PPP1R16B: variants seen among roughly 807,000 people sequenced by gnomAD.
PPP1R16B encodes protein phosphatase 1 regulatory subunit 16B, also known as protein phosphatase 1 regulatory inhibitor subunit 16B.
A neutral mutation model predicts 61.7 loss-of-function variants in PPP1R16B; 14 were observed. The ratio of observed to expected loss-of-function variants is 0.23; its 90% CI spans 0.15 to 0.35. The LOEUF (loss-of-function observed/expected upper bound fraction) is 0.35, where lower values mean the gene tolerates loss of function less well. PPP1R16B is among the 10% of genes least tolerant of loss of function. PPP1R16B has a pLI of 1.00. For missense variants in PPP1R16B, 547 were observed against 752.5 expected, an observed-to-expected ratio of 0.73 and a Z score of 3.19; for synonymous variants, 266 against 305.3, an observed-to-expected ratio of 0.87 and a Z score of 1.34.
intron 6 of PPP1R16B, 137 bp from the exon 7 acceptor site, chr20:38,905,832 A>G (rs2085436222): frequency 2.3e-6 from 2 of 852,134 alleles, no homozygotes; most frequent in South Asian, 1.9e-5. Context: ...CTGCAATGTG[A>G]CTGGTATTTC....
intron 2 of PPP1R16B, among the ~76,000 whole-genome samples, chr20:38,847,333 C>T (rs970462976): frequency 2.6e-5 from 4 of 152,128 alleles, no homozygotes; most frequent in African/African-American, 9.7e-5. Flanking sequence ...CATCTCTCTC[C>T]TTCTTTGAGT....
chr20:38,813,569 T>A (rs1294658542), intron 1 of PPP1R16B, among the ~76,000 whole-genome samples: 2 of 152,136 alleles, frequency 1.3e-5, no homozygotes, highest in African/African-American at 4.8e-5. Flanking sequence ...GGCACTCGGC[T>A]AAAGGAGAGG....
chr20:38,850,585 G>T (rs1416904483), intron 2 of PPP1R16B, among the ~76,000 whole-genome samples: 1 of 152,182 alleles, frequency 6.6e-6, no homozygotes, highest in Non-Finnish European at 1.5e-5. Flanking sequence ...ATTGTATTTA[G>T]TTAGAAATAA....
intron 10 of PPP1R16B, among the ~76,000 whole-genome samples, chr20:38,914,054 G>C (rs1385123578): frequency 6.6e-6 from 1 of 152,096 alleles, no homozygotes; most frequent in East Asian, 1.9e-4. Flanking sequence ...GTGGTGGCAG[G>C]TGCCTGTAAT....
Position 38,907,662 on chromosome 20 carries a change from C to A in PPP1R16B, c.899-144C>A. On this transcript the variant is annotated intron_variant, in intron 8 of 10. Coordinates refer to ENST00000299824, the MANE Select transcript of PPP1R16B (RefSeq NM_015568.4). This position sits in a 1 kb window ranked among gnomAD's most constrained non-coding sequence, Gnocchi z 4.5. Reference sequence around the variant, plus strand: ...AACACACTCACTCAACTTTGGCTGGCATTGTTTTCTTGCCTCCCTGCATGC... The same window carrying A: ...AACACACTCACTCAACTTTGGCTGGAATTGTTTTCTTGCCTCCCTGCATGC... The A allele has an allele frequency of 3.5e-6, 4 of 1,131,736 alleles. No individual in the cohort carries two copies. The highest frequency in any genetic ancestry group is 5.1e-6 in the Non-Finnish European group (4 of 791,770). The allele number at this position is 1,131,736 out of a possible 1,614,324, so 70.1% of individuals were successfully genotyped here.
At chr20:38,843,957 CTT>C (rs2145724914) in intron 2 of PPP1R16B, among the ~76,000 whole-genome samples, 2 of 152,200 alleles carry the variant, frequency 1.3e-5, no homozygotes, top group African/African-American at 4.8e-5. Context: ...ATTTTAATTG[CTT>C]TTTCAGATAT....
At chr20:38,826,404 C>T (rs553984885) in intron 1 of PPP1R16B, among the ~76,000 whole-genome samples, 83 of 152,320 alleles carry the variant, frequency 5.4e-4, no homozygotes, top group Middle Eastern at 3.4e-3. Context: ...CACCCTTGTT[C>T]CTGTCCCCTA....
intron 6 of PPP1R16B, among the ~76,000 whole-genome samples, chr20:38,903,600 TC>T (rs2085415770): frequency 6.6e-6 from 1 of 151,644 alleles, no homozygotes; most frequent in African/African-American, 2.4e-5. Flanking sequence ...CATCCATCCA[TC>T]CATCCATCCA....
Position 38,918,785 on chromosome 20 carries a change from G to T in PPP1R16B, c.*119G>T. The T allele has an allele frequency of 8.1e-7, 1 of 1,228,422 alleles. No individual in the cohort carries two copies. The highest frequency in any genetic ancestry group is 2.7e-5 in the East Asian group (1 of 37,064). 76.1% of individuals were successfully genotyped at this position (1,228,422 alleles called of 1,614,324 possible). On this transcript the variant is annotated 3_prime_UTR_variant, in exon 11 of 11. Coordinates refer to ENST00000299824, the MANE Select transcript of PPP1R16B (RefSeq NM_015568.4). The surrounding 1 kb of genome is among the most constrained non-coding windows in gnomAD (Gnocchi z 5.3). Reference sequence around the variant, plus strand: ...GGGGAGAGGTGGGCTCTGCTTTTCAGAGGAACTCAGACCCCAGCCCTCAGC... The same window carrying T: ...GGGGAGAGGTGGGCTCTGCTTTTCATAGGAACTCAGACCCCAGCCCTCAGC...
At chr20:38,903,412 A>T (rs549577108) in intron 6 of PPP1R16B, among the ~76,000 whole-genome samples, 1 of 151,848 alleles carries the variant, frequency 6.6e-6, no homozygotes, top group African/African-American at 2.4e-5. Flanking sequence ...CTACCCTAGC[A>T]CCCCACTGCC....
intron 1 of PPP1R16B, among the ~76,000 whole-genome samples, chr20:38,832,002 C>T (rs906070746): frequency 6.6e-6 from 1 of 152,212 alleles, no homozygotes; most frequent in African/African-American, 2.4e-5. Flanking sequence ...CACCTTTGAG[C>T]GCTGCCTAAC....
chr20:38,860,859 T>C (rs1242540411), intron 2 of PPP1R16B, among the ~76,000 whole-genome samples: 2 of 152,206 alleles, frequency 1.3e-5, no homozygotes, highest in South Asian at 4.1e-4. Flanking sequence ...TCATAGTTCA[T>C]ACTCCTTAAA....
At chr20:38,872,317 G>T (rs1270088101) in intron 2 of PPP1R16B, among the ~76,000 whole-genome samples, 1 of 152,212 alleles carries the variant, frequency 6.6e-6, no homozygotes, top group Non-Finnish European at 1.5e-5. Context: ...TGCAAGCTCT[G>T]AGAGGGCAGA....
Position 38,887,931 on chromosome 20 carries a change from G to GT in PPP1R16B, c.251-1663dup, listed in dbSNP as rs548283338. Among the ~76,000 whole-genome samples the GT allele has an allele frequency of 9.6e-4, 146 of 152,320 alleles. 1 individual carries two copies. Among genetic ancestry groups the GT allele is most frequent in the Non-Finnish European group, 1.7e-3 (119 of 68,016 alleles). On this transcript the variant is annotated intron_variant, in intron 2 of 10. Transcript: ENST00000299824. ...CTCATGAGGATGGAGCTGAGGGGCTGTACCCCCACCCCATCCACTGCTCCT... is the reference window on the plus strand; with the variant it reads ...CTCATGAGGATGGAGCTGAGGGGCTGTTACCCCCACCCCATCCACTGCTCCT...
At chr20:38,905,843 C>A in intron 6 of PPP1R16B, 126 bp from the exon 7 acceptor site, 1 of 971,456 alleles carries the variant, frequency 1.0e-6, no homozygotes, top group Non-Finnish European at 1.5e-6. Context: ...CTGGTATTTC[C>A]ATTTCATTCT....
intron 10 of PPP1R16B, among the ~76,000 whole-genome samples, chr20:38,916,181 C>T (rs965528429): frequency 2.0e-4 from 30 of 151,108 alleles, no homozygotes; most frequent in African/African-American, 7.3e-4. Context: ...GCCTGTGCAA[C>T]ATAGTGAGGC....
chr20:38,913,789 C>T (rs2085510961), intron 10 of PPP1R16B, among the ~76,000 whole-genome samples: 1 of 152,132 alleles, frequency 6.6e-6, no homozygotes, highest in African/African-American at 2.4e-5. Flanking sequence ...AGCCCATTTC[C>T]AGAACGGTCT....
At chr20:38,816,044 G>C (rs984575280) in intron 1 of PPP1R16B, among the ~76,000 whole-genome samples, 2 of 151,988 alleles carry the variant, frequency 1.3e-5, no homozygotes, top group African/African-American at 4.8e-5. Context: ...GTGTGAGGAG[G>C]CTTGAAATTC....
At chr20:38,888,469 G>C (rs374111500) in intron 2 of PPP1R16B, among the ~76,000 whole-genome samples, 32 of 152,220 alleles carry the variant, frequency 2.1e-4, no homozygotes, top group African/African-American at 7.2e-4. Flanking sequence ...ATCCAGGGAA[G>C]ATCCTATTGA....
Sources: allele counts gnomAD v4.1 joint callset (sites outside exome capture counted in the v4.1 genomes callset), GRCh38; gene constraint gnomAD v4.1.1; non-coding constraint Gnocchi (gnomAD v3.1); transcripts MANE v1.5; gene names NCBI Gene and HGNC (gene_info 2026-07-23, HGNC 2026-07-21).